The following RHCE variants were observed in gnomAD, a reference collection of about 807,000 sequenced individuals.
The protein encoded by RHCE is blood group Rh(CE) polypeptide.
A neutral mutation model predicts 43.8 loss-of-function variants in RHCE; 22 were observed. That is an observed-to-expected ratio of 0.50 (90% confidence interval 0.36 to 0.72). The LOEUF (loss-of-function observed/expected upper bound fraction) is 0.72, where lower values mean the gene tolerates loss of function less well. RHCE is among the 30% of genes least tolerant of loss of function. The pLI is 0.00. For synonymous variants in RHCE, 156 were observed against 210.7 expected, an observed-to-expected ratio of 0.74 and a Z score of 2.25; for missense variants, 385 against 525.4, an observed-to-expected ratio of 0.73 and a Z score of 2.61.
At chr1:25,425,551 T>A (rs181324727), upstream of RHCE, among the ~76,000 whole-genome samples, 816 of 152,326 alleles carry the variant, frequency 5.4e-3, 6 homozygotes, top group African/African-American at 0.018. Context: ...TCAAGTAAGA[T>A]GTACTCTGGT....
At position 25,420,598 on chromosome 1, in the gene RHCE, T is replaced by C. The variant is rs373773568; in HGVS notation, c.148+41A>G. ...CATAGGCCTCCCCCGCCCCTGCCCC[T>C]GCTATTTGCTCCTGTGACCACTGTT... On this transcript the variant is annotated intron_variant, in intron 1 of 9. Coordinates refer to ENST00000294413, the MANE Select transcript of RHCE (RefSeq NM_020485.8). 11 of 1,613,818 alleles carry C rather than the reference T, an allele frequency of 6.8e-6. No individual in the cohort carries two copies. The African/African-American group carries it at 1.3e-4, about 20-fold the overall frequency.
intron 7 of RHCE, among the ~76,000 whole-genome samples, chr1:25,376,712 A>G (rs1023597301): frequency 1.1e-4 from 17 of 152,158 alleles, no homozygotes; most frequent in African/African-American, 4.1e-4. Flanking sequence ...CAGGAGATGG[A>G]GACCATCCTG....
At chr1:25,429,572 G>A (rs1305111443) in intron 1 of RHCE, among the ~76,000 whole-genome samples, 2 of 152,152 alleles carry the variant, frequency 1.3e-5, no homozygotes, top group Non-Finnish European at 2.9e-5. Context: ...ATTTATAAAA[G>A]CTGCATTAAA....
At chr1:25,384,502 A>G (rs939614805) in intron 7 of RHCE, among the ~76,000 whole-genome samples, 5 of 152,122 alleles carry the variant, frequency 3.3e-5, no homozygotes, top group African/African-American at 9.7e-5. Flanking sequence ...AGAGACAGGA[A>G]AGGTTCTGCT....
Position 25,386,078 on chromosome 1 carries a change from C to T in RHCE, c.940-234G>A, listed in dbSNP as rs1646148656. On this transcript the variant is annotated intron_variant, in intron 6 of 9. Coordinates refer to ENST00000294413, the MANE Select transcript of RHCE (RefSeq NM_020485.8). ...GGTCTAAGAGCATTTCTAACAAGGT[C>T]CCAGGTGATGCCAATGCTGCTCATC... Among the ~76,000 whole-genome samples the T allele has an allele frequency of 2.6e-5, 4 of 152,120 alleles. No homozygotes were observed. In the South Asian group the frequency reaches 8.3e-4, roughly 31 times the overall value.
At chr1:25,393,421 T>C (rs935783207) in intron 3 of RHCE, among the ~76,000 whole-genome samples, 2 of 151,998 alleles carry the variant, frequency 1.3e-5, no homozygotes, top group African/African-American at 4.8e-5. Context: ...AGGAGTTCGA[T>C]ACCAGCCTGG....
intron 1 of RHCE, among the ~76,000 whole-genome samples, chr1:25,416,224 T>C (rs1478655578): frequency 3.3e-5 from 5 of 152,274 alleles, no homozygotes; most frequent in Non-Finnish European, 5.9e-5. Context: ...ATATTCTTCA[T>C]GTTGCAACTA....
At chr1:25,382,037 T>C (rs1646017920) in intron 7 of RHCE, among the ~76,000 whole-genome samples, 1 of 151,388 alleles carries the variant, frequency 6.6e-6, no homozygotes, top group South Asian at 2.1e-4. Flanking sequence ...GAGGGCCTTC[T>C]TGCTGCATCA....
chr1:25,387,347 T>C (rs1415041522), intron 6 of RHCE, among the ~76,000 whole-genome samples: 1 of 152,244 alleles, frequency 6.6e-6, no homozygotes, highest in Non-Finnish European at 1.5e-5. Flanking sequence ...AGCTCAGATG[T>C]GCCCTGTAGC....
chr1:25,396,434 GT>G (rs2124450354), intron 3 of RHCE, among the ~76,000 whole-genome samples: 1 of 152,286 alleles, frequency 6.6e-6, no homozygotes, highest in East Asian at 1.9e-4. Context: ...ATGTCCCCTT[GT>G]TTTAGGAAAT....
intron 2 of RHCE, among the ~76,000 whole-genome samples, chr1:25,404,160 T>C (rs1290375234): frequency 3.2e-5 from 4 of 124,560 alleles, no homozygotes; most frequent in Non-Finnish European, 6.6e-5. Flanking sequence ...AGAGTAAGAC[T>C]CTGTCTCACA....
At chr1:25,414,273 T>C (rs902458591) in intron 1 of RHCE, among the ~76,000 whole-genome samples, 1 of 152,062 alleles carries the variant, frequency 6.6e-6, no homozygotes, top group Non-Finnish European at 1.5e-5. Context: ...GCTGCCTCTG[T>C]GATTCTGGAT....
At chr1:25,385,575 C>T (rs1279205405) in intron 7 of RHCE, 136 bp downstream of exon 7, 1 of 1,314,970 alleles carries the variant, frequency 7.6e-7, no homozygotes, top group Non-Finnish European at 1.1e-6. Flanking sequence ...CTGAATAAAT[C>T]AGCCAACAAA....
intron 8 of RHCE, among the ~76,000 whole-genome samples, chr1:25,374,347 C>CAAACTGCT (rs1645720980): frequency 6.6e-6 from 1 of 152,004 alleles, no homozygotes; most frequent in South Asian, 2.1e-4. Flanking sequence ...TTCGGTCTCC[C>CAAACTGCT]AAACTGCTGC....
At chr1:25,383,595 C>G (rs1298992345) in intron 7 of RHCE, among the ~76,000 whole-genome samples, 1 of 152,116 alleles carries the variant, frequency 6.6e-6, no homozygotes, top group African/African-American at 2.4e-5. Context: ...CTGGCTTCAC[C>G]ACTGGTGAAG....
intron 1 of RHCE, among the ~76,000 whole-genome samples, chr1:25,416,992 C>T (rs1324037353): frequency 1.3e-5 from 2 of 151,544 alleles, no homozygotes; most frequent in African/African-American, 2.4e-5. Context: ...GATGACCCTA[C>T]GTGCCCATCT....
upstream of RHCE, among the ~76,000 whole-genome samples, chr1:25,424,395 G>GT (rs971176369): frequency 1.7e-3 from 257 of 147,702 alleles, no homozygotes; most frequent in Non-Finnish European, 2.9e-3. Flanking sequence ...TTTTTGCTGT[G>GT]TTTTTTTTTT....
rs1167126508 is a variant in RHCE, at chr1:25,406,635, T to C, written c.335+2048A>G. ...GCCTAAAACTGTTGTTTTTGGTTTT[T>C]TTTTTTTTGAGACAGAGTCTCGCTC... On this transcript the variant is annotated intron_variant, in intron 2 of 9. Coordinates refer to ENST00000294413, the MANE Select transcript of RHCE (RefSeq NM_020485.8). Among the ~76,000 whole-genome samples, 2 of 105,944 alleles carry C rather than the reference T, an allele frequency of 1.9e-5. 1 individual carries two copies. Among genetic ancestry groups the C allele is most frequent in the Non-Finnish European group, 4.2e-5 (2 of 47,148 alleles). 69.5% of individuals were successfully genotyped at this position (105,944 alleles called of 152,430 possible). A position where few individuals can be genotyped will look rare whatever the true frequency, so the allele number is the denominator to read the frequency against.
intron 7 of RHCE, among the ~76,000 whole-genome samples, chr1:25,378,263 T>A (rs1645848088): frequency 6.6e-6 from 1 of 152,228 alleles, no homozygotes; most frequent in Non-Finnish European, 1.5e-5. Flanking sequence ...CAGTAGCCAC[T>A]AAGGCTGACT....
Sources: allele counts gnomAD v4.1 joint callset (sites outside exome capture counted in the v4.1 genomes callset), GRCh38; gene constraint gnomAD v4.1.1; transcripts MANE v1.5; gene names NCBI Gene and HGNC (gene_info 2026-07-23, HGNC 2026-07-21).